The following SEMA5A variants were observed in gnomAD, a reference collection of about 807,000 sequenced individuals.
SEMA5A encodes the protein semaphorin-5A.
In SEMA5A, 55 loss-of-function variants were observed where a neutral mutation model predicts 135.5. That is an observed-to-expected ratio of 0.41 (90% CI 0.33 to 0.51). The LOEUF is 0.51. SEMA5A is among the 20% of genes least tolerant of loss of function. SEMA5A has a pLI of 0.37. For missense variants in SEMA5A, 1,290 were observed against 1,419.9 expected (o/e 0.91, Z 1.47); for synonymous variants, 580 against 546.5 (o/e 1.06, Z -0.85).
chr5:9,487,708 CT>C (rs1245353304), intron 1 of SEMA5A, among the ~76,000 whole-genome samples: 1 of 152,080 alleles, frequency 6.6e-6, no homozygotes, highest in Non-Finnish European at 1.5e-5. Flanking sequence ...TCACTCCAGT[CT>C]TTTTTTATAT....
intron 10 of SEMA5A, among the ~76,000 whole-genome samples, chr5:9,191,306 G>A (rs1745100742): frequency 1.3e-5 from 2 of 152,180 alleles, no homozygotes; most frequent in South Asian, 2.1e-4. Context: ...GCTGTGTTGT[G>A]GGGAGGCTGG....
intron 1 of SEMA5A, among the ~76,000 whole-genome samples, chr5:9,465,242 A>G (rs746239525): frequency 6.6e-6 from 1 of 152,248 alleles, no homozygotes; most frequent in Non-Finnish European, 1.5e-5. Flanking sequence ...GTGGGTCAGT[A>G]TTCAAGAGTT....
At position 9,202,169 on chromosome 5, in the gene SEMA5A, G is replaced by A. The variant is rs1251154403; in HGVS notation, c.718C>T (p.His240Tyr). ...YFFFRENAVE[H>Y]DCGKTVFSRA... ...GAGAACACTGTTTTCCCACAGTCAT[G>A]CTCTACTGCATTTTCTCGGAAAAAG... Residue 240 changes from histidine (H) to tyrosine (Y), a missense_variant, in exon 9 of 23, where the codon CAT becomes TAT. His to Tyr is a moderately conservative substitution (Grantham distance 83). Coordinates refer to ENST00000382496, the MANE Select transcript of SEMA5A (RefSeq NM_003966.3). 6.2e-7 allele frequency: 1 copy of A among 1,614,010 alleles called. No individual in the cohort carries two copies. The highest frequency in any genetic ancestry group is 2.2e-5 in the East Asian group (1 of 44,890).
chr5:9,145,200 A>C (rs1200485355), intron 12 of SEMA5A, among the ~76,000 whole-genome samples: 2 of 152,200 alleles, frequency 1.3e-5, no homozygotes, highest in African/African-American at 4.8e-5. Flanking sequence ...TATAGTATTA[A>C]AACAGGAAAG....
At chr5:9,044,024 C>T (rs919730918) in intron 22 of SEMA5A, among the ~76,000 whole-genome samples, 1 of 152,138 alleles carries the variant, frequency 6.6e-6, no homozygotes. Flanking sequence ...GTTATTAATT[C>T]CTGGTGCTTC....
intron 17 of SEMA5A, among the ~76,000 whole-genome samples, chr5:9,064,032 T>C (rs1263559376): frequency 1.3e-5 from 2 of 152,190 alleles, no homozygotes; most frequent in African/African-American, 2.4e-5. Flanking sequence ...TCCGGGGAAG[T>C]GTGCTCAGAA....
At chr5:9,229,730 A>AG (rs1335183946) in intron 6 of SEMA5A, among the ~76,000 whole-genome samples, 4 of 144,858 alleles carry the variant, frequency 2.8e-5, no homozygotes, top group African/African-American at 1.0e-4. Flanking sequence ...TTTTCCTTTA[A>AG]AAAAAAAAAA....
intron 5 of SEMA5A, among the ~76,000 whole-genome samples, chr5:9,304,960 G>A (rs997499729): frequency 1.3e-5 from 2 of 152,040 alleles, no homozygotes; most frequent in East Asian, 1.9e-4. Flanking sequence ...TTGTCTAAAT[G>A]CATTCAAACA....
chr5:9,231,567 C>T (rs1451479160), intron 6 of SEMA5A, among the ~76,000 whole-genome samples: 1 of 150,488 alleles, frequency 6.6e-6, no homozygotes, highest in Non-Finnish European at 1.5e-5. Context: ...CTCAAATTCT[C>T]TTGCAGATCC....
intron 1 of SEMA5A, among the ~76,000 whole-genome samples, chr5:9,451,127 G>A (rs1758627219): frequency 6.6e-6 from 1 of 152,288 alleles, no homozygotes; most frequent in East Asian, 1.9e-4. Context: ...CTAAGAGGCT[G>A]TTGTCGGTTA....
intron 1 of SEMA5A, among the ~76,000 whole-genome samples, chr5:9,462,519 C>G (rs1193154055): frequency 6.6e-6 from 1 of 152,076 alleles, no homozygotes; most frequent in Non-Finnish European, 1.5e-5. Flanking sequence ...TAAAGACACA[C>G]GTGTGTGTAT....
chr5:9,123,656 T>C (rs1253476002), intron 13 of SEMA5A, among the ~76,000 whole-genome samples: 1 of 152,108 alleles, frequency 6.6e-6, no homozygotes, highest in Non-Finnish European at 1.5e-5. Context: ...CTTTAAAAAA[T>C]GAAAGCTTAG....
At chr5:9,491,476 T>G (rs1734999653) in intron 1 of SEMA5A, among the ~76,000 whole-genome samples, 1 of 151,296 alleles carries the variant, frequency 6.6e-6, no homozygotes, top group African/African-American at 2.4e-5. Flanking sequence ...CACTTTGAAG[T>G]TATTCTATAT....
Position 9,502,268 on chromosome 5 carries a change from C to T in SEMA5A, c.-175+43316G>A, listed in dbSNP as rs111641809. On this transcript the variant is annotated intron_variant, in intron 1 of 22. Coordinates refer to ENST00000382496, the MANE Select transcript of SEMA5A (RefSeq NM_003966.3). Reference sequence around the variant, plus strand: ...GTTAAGACAGAGGATGGGTGTAACACGCATAGTTGGAATTTAAATAAAAGC... The same window carrying T: ...GTTAAGACAGAGGATGGGTGTAACATGCATAGTTGGAATTTAAATAAAAGC... 5.0e-3 allele frequency among the ~76,000 whole-genome samples: 760 copies of T among 152,246 alleles called. 6 individuals carry two copies. Among genetic ancestry groups the T allele is most frequent in the African/African-American group, 0.017 (727 of 41,552 alleles).
chr5:9,472,932 G>A (rs1321894721), intron 1 of SEMA5A, among the ~76,000 whole-genome samples: 1 of 150,278 alleles, frequency 6.7e-6, no homozygotes, highest in Non-Finnish European at 1.5e-5. Context: ...CATATAAAGT[G>A]AAATCCTTTA....
chr5:9,350,677 T>C (rs1754073827), intron 3 of SEMA5A, among the ~76,000 whole-genome samples: 1 of 152,186 alleles, frequency 6.6e-6, no homozygotes, highest in Admixed American at 6.5e-5. Context: ...TTTCTTTGGT[T>C]GGCAATATTC....
At chr5:9,469,273 C>G (rs1274345378) in intron 1 of SEMA5A, among the ~76,000 whole-genome samples, 1 of 152,178 alleles carries the variant, frequency 6.6e-6, no homozygotes, top group Non-Finnish European at 1.5e-5. Context: ...TCCCAAAGTG[C>G]TGGGATTACA....
intron 1 of SEMA5A, among the ~76,000 whole-genome samples, chr5:9,478,879 C>T (rs1759768857): frequency 6.6e-6 from 1 of 152,034 alleles, no homozygotes. Context: ...TTAGGAGGGG[C>T]CAGGGTGGGA....
intron 1 of SEMA5A, among the ~76,000 whole-genome samples, chr5:9,471,599 C>T (rs560603199): frequency 3.9e-5 from 6 of 151,980 alleles, no homozygotes; most frequent in Admixed American, 6.6e-5. Context: ...GTAACCCGTC[C>T]GATTAGAAAC....
Sources: gnomAD v4.1 joint callset for allele counts (sites outside exome capture counted in the v4.1 genomes callset) on GRCh38, gnomAD v4.1.1 for gene constraint, MANE v1.5 for transcripts, NCBI Gene and HGNC (gene_info 2026-07-23, HGNC 2026-07-21) for gene names.